The following CAMKK1 variants were observed in gnomAD, a reference collection of about 807,000 sequenced individuals.
CAMKK1 encodes the protein calcium/calmodulin dependent protein kinase kinase 1.
A neutral mutation model predicts 63.5 loss-of-function variants in CAMKK1; 20 were observed. The observed-to-expected ratio is 0.32, with a 90% CI of 0.22 to 0.46. CAMKK1 has a LOEUF of 0.46. Among genes scored for constraint, CAMKK1 ranks in the 20% least tolerant of loss-of-function variants. CAMKK1 has a pLI of 1.00. For synonymous variants in CAMKK1, 253 were observed against 269.0 expected, an observed-to-expected ratio of 0.94 and a Z score of 0.58; for missense variants, 588 against 658.1, an observed-to-expected ratio of 0.89 and a Z score of 1.17.
In CAMKK1 at chr17:3,889,897, C is replaced by A. The variant is rs960233963; in HGVS notation, c.-44+3042G>T. On this transcript the variant is annotated intron_variant, in intron 1 of 15. Transcript: ENST00000348335. The surrounding 1 kb of genome is among the most constrained non-coding windows in gnomAD (Gnocchi z 5.2). ...CAGGCAGACCCTGCTGCCATCCACG[C>A]GGGTTCAAGTAGCTCCACCTGGGAG... Among the ~76,000 whole-genome samples the A allele has an allele frequency of 6.6e-6, 1 of 152,320 alleles. No homozygotes were observed. The highest frequency in any genetic ancestry group is 1.9e-4 in the East Asian group (1 of 5,184).
rs2054347950 is a variant in CAMKK1 at position 3,862,133 on chromosome 17, C to T, written c.*78G>A. 8.2e-6 allele frequency: 10 copies of T among 1,215,902 alleles called. No homozygotes were observed. The highest frequency in any genetic ancestry group is 1.5e-5 in the African/African-American group (1 of 67,020). The allele number at this position is 1,215,902 out of a possible 1,614,324, so 75.3% of individuals were successfully genotyped here. A position where few individuals can be genotyped will look rare whatever the true frequency, so the allele number is the denominator to read the frequency against. On this transcript the variant is annotated 3_prime_UTR_variant, in exon 16 of 16. Transcript: ENST00000348335. This position sits in a 1 kb window ranked among gnomAD's most constrained non-coding sequence, Gnocchi z 4.1. ...GTCCCCAGCCCCCTGCCTGCGGGGG[C>T]GGCTGTTGCATGAGGGGTGGGCCTC...
rs181563313 is a variant in CAMKK1, at chr17:3,890,288, C to T, written c.-44+2651G>A. 8.5e-5 allele frequency among the ~76,000 whole-genome samples: 13 copies of T among 152,268 alleles called. No individual in the cohort carries two copies. Among genetic ancestry groups the T allele is most frequent in the East Asian group, 1.9e-4 (1 of 5,182 alleles). ...TGACGACTCCTGCTGTGAGGACGCC[C>T]GCTCCCACCATCCCTGGGGAGCCCC... On this transcript the variant is annotated intron_variant, in intron 1 of 15. Transcript: ENST00000348335. This position sits in a 1 kb window ranked among gnomAD's most constrained non-coding sequence, Gnocchi z 6.5.
intron 15 of CAMKK1, among the ~76,000 whole-genome samples, chr17:3,863,601 T>C (rs369527667): frequency 6.6e-6 from 1 of 152,128 alleles, no homozygotes; most frequent in South Asian, 2.1e-4. Flanking sequence ...AGGCTGGGTG[T>C]GGTGGCTCAT....
chr17:3,872,711 G>T, intron 11 of CAMKK1, 84 bp from the exon 12 acceptor site: 1 of 1,171,566 alleles, frequency 8.5e-7, no homozygotes, highest in Non-Finnish European at 1.3e-6. Flanking sequence ...CTTGGTGGGG[G>T]CAGGGGTAGG....
chr17:3,876,890 TG>T lies in CAMKK1; in HGVS notation c.797-469del, dbSNP rs1252535011. On this transcript the variant is annotated intron_variant, in intron 9 of 15. Coordinates refer to ENST00000348335, the MANE Select transcript of CAMKK1 (RefSeq NM_032294.3). ...CTCCTGCCTCAGCCTCCCGAGTAGT[TG>T]GGATTACAGGTGTCTGCCACCACGC... Among the ~76,000 whole-genome samples the T allele has an allele frequency of 3.3e-5, 5 of 152,000 alleles. 1 individual carries two copies. The South Asian group carries it at 1.0e-3, about 32-fold the overall frequency.
rs1316466967 is a variant in CAMKK1 at position 3,871,331 on chromosome 17, T to TTGG, written c.1124+1222_1124+1223insCCA. 2.1e-4 allele frequency among the ~76,000 whole-genome samples: 20 copies of TTGG among 94,430 alleles called. 1 individual carries two copies. The highest frequency in any genetic ancestry group is 1.0e-3 in the African/African-American group (19 of 19,090). 61.9% of individuals were successfully genotyped at this position (94,430 alleles called of 152,430 possible). Reference sequence around the variant, plus strand: ...ATTTTCTTTTTTTGTTTGTTGTTTTTTGTTTTTTTTTTTTTGTTTTTTTTT... The same window carrying TTGG: ...ATTTTCTTTTTTTGTTTGTTGTTTTTTGGTGTTTTTTTTTTTTTGTTTTTTTTT... On this transcript the variant is annotated intron_variant, in intron 12 of 15. Transcript: ENST00000348335.
Position 3,883,667 on chromosome 17 carries a change from C to T in CAMKK1, c.463-187G>A, listed in dbSNP as rs1442948722. Among the ~76,000 whole-genome samples, 1 of 152,030 alleles carries T rather than the reference C, an allele frequency of 6.6e-6. No individual in the cohort carries two copies. The highest frequency in any genetic ancestry group is 1.5e-5 in the Non-Finnish European group (1 of 67,972). ...CTGAGCCTAGCCCTTCCCCTTATTC[C>T]CCCAGCAAGCCTTTCTGGAGCTTTC... On this transcript the variant is annotated intron_variant, in intron 4 of 15. Transcript: ENST00000348335. This position sits in a 1 kb window ranked among gnomAD's most constrained non-coding sequence, Gnocchi z 4.7.
rs1258521903 is a variant in CAMKK1 at position 3,889,684 on chromosome 17, T to C, written c.-44+3255A>G. The stretch of plus-strand genomic sequence containing the variant: ...GATGTGCAAGGTCCAACCCCACCTC[T>C]GCCCCCAGCTCCAAGATGGCCTGGC... On this transcript the variant is annotated intron_variant, in intron 1 of 15. Coordinates refer to ENST00000348335, the MANE Select transcript of CAMKK1 (RefSeq NM_032294.3). This position sits in a 1 kb window ranked among gnomAD's most constrained non-coding sequence, Gnocchi z 5.2. 1.3e-5 allele frequency among the ~76,000 whole-genome samples: 2 copies of C among 152,110 alleles called. No individual in the cohort carries two copies. The highest frequency in any genetic ancestry group is 4.8e-5 in the African/African-American group (2 of 41,404).
At chr17:3,869,731 C>T in intron 13 of CAMKK1, 70 bp downstream of exon 13, 1 of 1,597,628 alleles carries the variant, frequency 6.3e-7, no homozygotes. Flanking sequence ...TGGTGTTGAT[C>T]CCTCCAGAAA....
At chr17:3,868,142 A>T (rs1191594732) in intron 14 of CAMKK1, among the ~76,000 whole-genome samples, 3 of 20,520 alleles carry the variant, frequency 1.5e-4, no homozygotes, top group African/African-American at 4.7e-4. Context: ...CTGGGGGAGA[A>T]GCAGGCGCCG....
intron 8 of CAMKK1, 31 bp downstream of exon 8, chr17:3,881,596 T>C (rs2055412740): frequency 1.9e-6 from 3 of 1,562,950 alleles, no homozygotes; most frequent in South Asian, 1.2e-5. Context: ...TGGATGAGAA[T>C]TGACCTGCCT....
At chr17:3,871,624 G>A (rs1180147761) in intron 12 of CAMKK1, among the ~76,000 whole-genome samples, 1 of 148,804 alleles carries the variant, frequency 6.7e-6, no homozygotes, top group Non-Finnish European at 1.5e-5. Context: ...CCAAAGTGCT[G>A]GAATTACAGG....
Position 3,889,790 on chromosome 17 carries a change from C to T in CAMKK1, c.-44+3149G>A, listed in dbSNP as rs951132678. Among the ~76,000 whole-genome samples the T allele has an allele frequency of 6.6e-6, 1 of 152,196 alleles. No individual in the cohort carries two copies. The highest frequency in any genetic ancestry group is 2.4e-5 in the African/African-American group (1 of 41,452). The stretch of plus-strand genomic sequence containing the variant: ...TGGCCACTCCCAAGGAATGTGGGCC[C>T]CCGGCTCCAGACGCCCACTTGGCCT... On this transcript the variant is annotated intron_variant, in intron 1 of 15. Transcript: ENST00000348335. The surrounding 1 kb of genome is among the most constrained non-coding windows in gnomAD (Gnocchi z 5.2).
intron 1 of CAMKK1, among the ~76,000 whole-genome samples, chr17:3,891,194 T>G (rs138245229): frequency 0.01 from 1,527 of 151,922 alleles, 19 homozygotes; most frequent in African/African-American, 0.035. Flanking sequence ...ACCTGCTGTC[T>G]GCCAGACTCT....
Position 3,871,225 on chromosome 17 carries a change from G to C in CAMKK1, c.1124+1329C>G, listed in dbSNP as rs1597454057. ...GGCAACAAGGCCCAGAGACAGGGAAGAGGAGGGCTCAGCAGGGCTTGGGGA... is the reference window on the plus strand; with the variant it reads ...GGCAACAAGGCCCAGAGACAGGGAACAGGAGGGCTCAGCAGGGCTTGGGGA... On this transcript the variant is annotated intron_variant, in intron 12 of 15. Coordinates refer to ENST00000348335, the MANE Select transcript of CAMKK1 (RefSeq NM_032294.3). 2.0e-5 allele frequency among the ~76,000 whole-genome samples: 3 copies of C among 152,032 alleles called. No homozygotes were observed. The East Asian group carries it at 5.8e-4, about 29-fold the overall frequency.
rs76449584 is a variant in CAMKK1, at chr17:3,865,216, G to A, written c.1445+692C>T. The A allele has an allele frequency of 1.0e-3, 1,005 of 985,746 alleles. 10 individuals carry two copies. In the African/African-American group the frequency reaches 0.014, roughly 14 times the overall value. The allele number at this position is 985,746 out of a possible 1,614,324, so 61.1% of individuals were successfully genotyped here. On this transcript the variant is annotated intron_variant, in intron 15 of 15. Coordinates refer to ENST00000348335, the MANE Select transcript of CAMKK1 (RefSeq NM_032294.3). Reference sequence around the variant, plus strand: ...AAGGTGGATCTGCTGAGGACGAGGCGCACAGGCTTGGGGAGCTGCTTTTCT... The same window carrying A: ...AAGGTGGATCTGCTGAGGACGAGGCACACAGGCTTGGGGAGCTGCTTTTCT...
rs2055575933 is a variant in CAMKK1 at position 3,884,889 on chromosome 17, G to A, written c.360+439C>T. ...CATCTGTAGACTGCTTGGAACCTGA[G>A]TTCACTTTCAGACCTAAATGGCAAG... On this transcript the variant is annotated intron_variant, in intron 2 of 15. Transcript: ENST00000348335. This position sits in a 1 kb window ranked among gnomAD's most constrained non-coding sequence, Gnocchi z 4.5. 6.6e-6 allele frequency among the ~76,000 whole-genome samples: 1 copy of A among 152,180 alleles called. No homozygotes were observed. The highest frequency in any genetic ancestry group is 2.4e-5 in the African/African-American group (1 of 41,426).
rs971172088 is a variant in CAMKK1, at chr17:3,887,641, G to A, written c.-43-1911C>T. On this transcript the variant is annotated intron_variant, in intron 1 of 15. Coordinates refer to ENST00000348335, the MANE Select transcript of CAMKK1 (RefSeq NM_032294.3). The surrounding 1 kb of genome is among the most constrained non-coding windows in gnomAD (Gnocchi z 6.1). ...GTGGCACAGGGAGGCCTCCCTGGAG[G>A]AGGTGAGAGAGGACAGAGAGTGGGG... is the stretch of plus-strand genomic sequence containing the variant. 2.6e-5 allele frequency among the ~76,000 whole-genome samples: 4 copies of A among 151,424 alleles called. No homozygotes were observed. The highest frequency in any genetic ancestry group is 3.2e-3 in the Middle Eastern group (1 of 314).
intron 14 of CAMKK1, among the ~76,000 whole-genome samples, chr17:3,866,288 C>T (rs991414730): frequency 2.0e-5 from 3 of 152,236 alleles, no homozygotes; most frequent in Non-Finnish European, 4.4e-5. Flanking sequence ...TGGGGAGGGC[C>T]AGGGCTGGAA....
Sources: gnomAD v4.1 joint callset for allele counts (sites outside exome capture counted in the v4.1 genomes callset) on GRCh38, gnomAD v4.1.1 for gene constraint, Gnocchi (gnomAD v3.1) non-coding constraint, MANE v1.5 for transcripts, NCBI Gene and HGNC (gene_info 2026-07-23, HGNC 2026-07-21) for gene names.